The following SCFD2 variants were observed in gnomAD, a reference collection of about 807,000 sequenced individuals.
SCFD2 encodes the protein sec1 family domain containing 2.
A neutral mutation model predicts 58.9 loss-of-function variants in SCFD2; 54 were observed. That is an observed-to-expected ratio of 0.92 (90% CI 0.74 to 1.15). The LOEUF (loss-of-function observed/expected upper bound fraction) is 1.15, where lower values mean the gene tolerates loss of function less well. Among genes scored for constraint, SCFD2 ranks in the 50% most tolerant of loss-of-function variants. The pLI, the probability that SCFD2 is intolerant of heterozygous loss-of-function variation, is 0.00. For missense variants in SCFD2, 805 were observed against 836.6 expected (o/e 0.96, Z 0.47); for synonymous variants, 321 against 335.9 (o/e 0.96, Z 0.49).
chr4:52,958,058 G>A (rs1295214800), intron 5 of SCFD2: 1 of 134,722 alleles, frequency 7.4e-6, no homozygotes, highest in Admixed American at 8.5e-5. Context: ...TGGAACACAA[G>A]TTCTTTGTAC....
chr4:52,943,894 A>G (rs944289052), intron 5 of SCFD2, among the ~76,000 whole-genome samples: 7 of 152,200 alleles, frequency 4.6e-5, no homozygotes, highest in Admixed American at 3.3e-4. Flanking sequence ...CTGAATTCAG[A>G]CACATGGTAT....
At chr4:53,267,384 C>T (rs1025643783) in intron 4 of SCFD2, among the ~76,000 whole-genome samples, 24 of 152,250 alleles carry the variant, frequency 1.6e-4, no homozygotes, top group African/African-American at 5.3e-4. Flanking sequence ...TGAGTATATA[C>T]TATGTAAAGT....
intron 5 of SCFD2, among the ~76,000 whole-genome samples, chr4:52,936,359 A>G (rs778026357): frequency 6.6e-6 from 1 of 152,182 alleles, no homozygotes; most frequent in Non-Finnish European, 1.5e-5. Context: ...CAGTCAATGC[A>G]GTCTTCAGGA....
chr4:52,928,621 C>T (rs1241951957), intron 5 of SCFD2, among the ~76,000 whole-genome samples: 2 of 152,156 alleles, frequency 1.3e-5, no homozygotes, highest in Admixed American at 1.3e-4. Flanking sequence ...CTATGCTGAT[C>T]CCATGACTGT....
At chr4:53,216,997 T>C (rs1728864321) in intron 4 of SCFD2, among the ~76,000 whole-genome samples, 1 of 152,266 alleles carries the variant, frequency 6.6e-6, no homozygotes, top group Non-Finnish European at 1.5e-5. Flanking sequence ...TTGATTGCAC[T>C]GTGGTCTGAG....
At chr4:52,979,158 C>T (rs1277502488) in intron 5 of SCFD2, among the ~76,000 whole-genome samples, 1 of 152,016 alleles carries the variant, frequency 6.6e-6, no homozygotes, top group Non-Finnish European at 1.5e-5. Context: ...ACTCTAACTG[C>T]CTGTTCCCAG....
intron 5 of SCFD2, among the ~76,000 whole-genome samples, chr4:52,974,555 G>A (rs955279338): frequency 3.3e-5 from 5 of 152,194 alleles, no homozygotes; most frequent in African/African-American, 1.2e-4. Context: ...CCATGCTCAT[G>A]GGTAGGAAGA....
At chr4:53,107,009 C>G (rs547146044) in intron 5 of SCFD2, among the ~76,000 whole-genome samples, 1 of 152,296 alleles carries the variant, frequency 6.6e-6, no homozygotes, top group East Asian at 1.9e-4. Context: ...GGAAGCCCAT[C>G]AGACTAACAG....
At chr4:53,084,844 CATG>C (rs1397838905) in intron 5 of SCFD2, among the ~76,000 whole-genome samples, 10 of 152,186 alleles carry the variant, frequency 6.6e-5, no homozygotes. Context: ...AACATTCCTT[CATG>C]ATAAGATACC....
At chr4:52,955,514 C>T (rs965911301) in intron 5 of SCFD2, among the ~76,000 whole-genome samples, 2 of 152,132 alleles carry the variant, frequency 1.3e-5, no homozygotes, top group Non-Finnish European at 2.9e-5. Context: ...CTGTGCCTAG[C>T]GTCAGTTTTC....
chr4:53,048,299 G>A (rs1033345710), intron 5 of SCFD2, among the ~76,000 whole-genome samples: 1 of 151,992 alleles, frequency 6.6e-6, no homozygotes, highest in Admixed American at 6.6e-5. Flanking sequence ...GTAGTGAACC[G>A]AGATCGTGCC....
At chr4:53,102,034 C>T (rs530670342) in intron 5 of SCFD2, among the ~76,000 whole-genome samples, 1 of 152,100 alleles carries the variant, frequency 6.6e-6, no homozygotes, top group South Asian at 2.1e-4. Context: ...ATAAGTAAAA[C>T]GGTGTGGTCC....
At chr4:53,328,639 A>G (rs1733299412) in intron 2 of SCFD2, among the ~76,000 whole-genome samples, 1 of 152,238 alleles carries the variant, frequency 6.6e-6, no homozygotes. Context: ...TTATCTTACC[A>G]GAAAATATCA....
intron 4 of SCFD2, among the ~76,000 whole-genome samples, chr4:53,148,612 G>T (rs1726408829): frequency 6.6e-6 from 1 of 152,124 alleles, no homozygotes; most frequent in Non-Finnish European, 1.5e-5. Context: ...TTATGCCCAG[G>T]TCTCCATTTT....
intron 5 of SCFD2, among the ~76,000 whole-genome samples, chr4:52,958,433 C>T (rs926062236): frequency 2.6e-5 from 4 of 152,168 alleles, no homozygotes; most frequent in South Asian, 2.1e-4. Context: ...GGGAGAGTGC[C>T]GGACAAGATG....
chr4:53,323,154 A>G (rs1252975836), intron 2 of SCFD2, among the ~76,000 whole-genome samples: 4 of 152,224 alleles, frequency 2.6e-5, no homozygotes, highest in Non-Finnish European at 5.9e-5. Context: ...GAAAATTATT[A>G]TAGCTTATTT....
In SCFD2 at chr4:53,026,786, G is replaced by A. The variant is rs1722484434; in HGVS notation, c.1562-105916C>T. On this transcript the variant is annotated intron_variant, in intron 5 of 8. Transcript: ENST00000401642. Reference sequence around the variant, plus strand: ...TCTAATAGGATACAGTGCAGGGCAAGCAGAAAAAACATAAAATGCAAACTT... The same window carrying A: ...TCTAATAGGATACAGTGCAGGGCAAACAGAAAAAACATAAAATGCAAACTT... 4.6e-5 allele frequency among the ~76,000 whole-genome samples: 7 copies of A among 152,126 alleles called. No individual in the cohort carries two copies. In the South Asian group the frequency reaches 1.2e-3, roughly 27 times the overall value.
chr4:53,041,384 A>C (rs1386693603), intron 5 of SCFD2, among the ~76,000 whole-genome samples: 2 of 152,220 alleles, frequency 1.3e-5, no homozygotes, highest in African/African-American at 4.8e-5. Flanking sequence ...ATAACTTGGT[A>C]GATTTAAAGG....
intron 5 of SCFD2, among the ~76,000 whole-genome samples, chr4:53,104,358 C>G (rs1724925079): frequency 1.3e-5 from 2 of 152,270 alleles, no homozygotes; most frequent in Middle Eastern, 3.4e-3. Context: ...AGACTCATCC[C>G]AGCTAAGAGC....
Sources: allele counts gnomAD v4.1 joint callset (sites outside exome capture counted in the v4.1 genomes callset), GRCh38; gene constraint gnomAD v4.1.1; transcripts MANE v1.5; gene names NCBI Gene and HGNC (gene_info 2026-07-23, HGNC 2026-07-21).